NCOA1: variants seen among roughly 807,000 people sequenced by gnomAD.
NCOA1 encodes the protein Hin-2 protein.
In NCOA1, 35 loss-of-function variants were observed where a neutral mutation model predicts 150.9. The ratio of observed to expected loss-of-function variants is 0.23; its 90% confidence interval spans 0.18 to 0.31. The LOEUF (loss-of-function observed/expected upper bound fraction) is 0.31, where lower values mean the gene tolerates loss of function less well. Among genes scored for constraint, NCOA1 ranks in the 10% least tolerant of loss-of-function variants. The probability of loss-of-function intolerance (pLI) is 1.00; values close to 1 mark genes in which losing one functional copy is unlikely to be tolerated. For missense variants in NCOA1, 1,491 were observed against 1,749.3 expected (o/e 0.85, Z 2.63); for synonymous variants, 590 against 630.0 (o/e 0.94, Z 0.95).
chr2:24,596,760 A>G (rs1667902627), intron 3 of NCOA1, among the ~76,000 whole-genome samples: 2 of 152,194 alleles, frequency 1.3e-5, no homozygotes, highest in Non-Finnish European at 2.9e-5. Context: ...ATTTCAAAAT[A>G]AAGGTTTTAT....
intron 10 of NCOA1, 22 bp downstream of exon 10, chr2:24,693,369 A>G (rs1368784580): frequency 2.5e-6 from 4 of 1,575,730 alleles, no homozygotes; most frequent in Non-Finnish European, 3.5e-6. Context: ...AAAGTTCAGA[A>G]TGTTCCATAG....
At chr2:24,690,972 A>G (rs1672643250) in intron 8 of NCOA1, among the ~76,000 whole-genome samples, 1 of 152,204 alleles carries the variant, frequency 6.6e-6, no homozygotes, top group Non-Finnish European at 1.5e-5. Flanking sequence ...ATTGCGCTAT[A>G]TTCTTAATAC....
At chr2:24,639,288 TA>T (rs990100109) in intron 3 of NCOA1, among the ~76,000 whole-genome samples, 7 of 151,990 alleles carry the variant, frequency 4.6e-5, no homozygotes, top group Non-Finnish European at 1.0e-4. Flanking sequence ...ATAAATAAAA[TA>T]AAAAAATTAA....
At chr2:24,491,843 C>T (rs985106681) in intron 1 of NCOA1, 1 of 151,740 alleles carries the variant, frequency 6.6e-6, no homozygotes, top group Non-Finnish European at 1.5e-5. Flanking sequence ...CGGGGGAAAT[C>T]GCTGCAGCAG....
intron 8 of NCOA1, among the ~76,000 whole-genome samples, chr2:24,683,447 A>T (rs996669743): frequency 6.6e-6 from 1 of 152,208 alleles, no homozygotes; most frequent in Non-Finnish European, 1.5e-5. Flanking sequence ...AATAGAAATG[A>T]GAAAGAGAGG....
chr2:24,508,053 A>G (rs1014569350), intron 1 of NCOA1, among the ~76,000 whole-genome samples: 2 of 152,198 alleles, frequency 1.3e-5, no homozygotes, highest in African/African-American at 2.4e-5. Context: ...CATGACAAGG[A>G]GGAGCTATAA....
intron 1 of NCOA1, among the ~76,000 whole-genome samples, chr2:24,505,906 A>G (rs1663671979): frequency 2.0e-5 from 3 of 152,180 alleles, no homozygotes; most frequent in South Asian, 2.1e-4. Context: ...CCCATCTGCC[A>G]TAGGAAAGAA....
At position 24,706,974 on chromosome 2, in the gene NCOA1, A is replaced by G. The variant is rs1173055694; in HGVS notation, c.1504A>G (p.Arg502Gly). The change falls in exon 13 of 23, where the codon AGG becomes GGG. Residue 502 changes from arginine (R) to glycine (G), a missense_variant. Physicochemically the swap from Arg to Gly is moderately radical, Grantham distance 125. This residue lies in a region of NCOA1 where 703 missense variants were observed against 717.7 expected (regional missense o/e 0.98). Transcript: ENST00000348332. Reference protein sequence around the residue: ...QVTSGLATRPRMPNNSFPPNI... With the variant: ...QVTSGLATRPGMPNNSFPPNI... ...TACTTCTGGATTGGCAACAAGGCCC[A>G]GGATGCCAAACAATTCCTTTCCTCC... is the stretch of plus-strand genomic sequence containing the variant. 1.9e-6 allele frequency: 3 copies of G among 1,614,094 alleles called. No homozygotes were observed. Among genetic ancestry groups the G allele is most frequent in the Non-Finnish European group, 2.5e-6 (3 of 1,180,034 alleles).
chr2:24,578,294 A>T (rs1479125720), intron 2 of NCOA1, among the ~76,000 whole-genome samples: 1 of 152,166 alleles, frequency 6.6e-6, no homozygotes. Context: ...TTTCATATGC[A>T]AATGTTATGG....
At chr2:24,602,548 G>C (rs965312575) in intron 3 of NCOA1, among the ~76,000 whole-genome samples, 1 of 152,026 alleles carries the variant, frequency 6.6e-6, no homozygotes, top group Admixed American at 6.6e-5. Flanking sequence ...CCAAATTTAC[G>C]TAGTAACTAG....
At position 24,607,215 on chromosome 2, in the gene NCOA1, A is replaced by G. The variant is rs372974721; in HGVS notation, c.-175+22655A>G. On this transcript the variant is annotated intron_variant, in intron 3 of 22. Transcript: ENST00000348332. Reference sequence around the variant, plus strand: ...TTTTTTTTTTTTTTGAGTCTATTTGATATTTATATTTTATTAAGATAAGTT... The same window carrying G: ...TTTTTTTTTTTTTTGAGTCTATTTGGTATTTATATTTTATTAAGATAAGTT... Among the ~76,000 whole-genome samples the G allele has an allele frequency of 8.9e-4, 130 of 146,676 alleles. 2 individuals are homozygous for G. The East Asian group carries it at 0.015, about 17-fold the overall frequency.
chr2:24,611,658 T>G (rs1332398072), intron 3 of NCOA1, among the ~76,000 whole-genome samples: 1 of 152,232 alleles, frequency 6.6e-6, no homozygotes, highest in Non-Finnish European at 1.5e-5. Context: ...ATTGAACCCT[T>G]TATTGTAATG....
At chr2:24,516,846 TA>T (rs1664193832) in intron 1 of NCOA1, among the ~76,000 whole-genome samples, 1 of 139,038 alleles carries the variant, frequency 7.2e-6, no homozygotes, top group Non-Finnish European at 1.6e-5. Context: ...TTTTTCATTT[TA>T]AAAATATATC....
At chr2:24,555,791 C>T (rs1666044750) in intron 1 of NCOA1, among the ~76,000 whole-genome samples, 1 of 152,134 alleles carries the variant, frequency 6.6e-6, no homozygotes, top group Non-Finnish European at 1.5e-5. Context: ...TCTATTCTAT[C>T]CTTTTTACTT....
At chr2:24,638,499 A>G (rs1269319530) in intron 3 of NCOA1, among the ~76,000 whole-genome samples, 1 of 152,096 alleles carries the variant, frequency 6.6e-6, no homozygotes, top group Non-Finnish European at 1.5e-5. Context: ...CTAAATGCCA[A>G]GTAGTAGGAT....
At chr2:24,766,166 C>T (rs995140709) in intron 22 of NCOA1, among the ~76,000 whole-genome samples, 2 of 152,146 alleles carry the variant, frequency 1.3e-5, no homozygotes, top group East Asian at 1.9e-4. Flanking sequence ...TCCCAAAGTG[C>T]TAGAATTAGA....
At chr2:24,743,615 T>G (rs1215999455) in intron 19 of NCOA1, among the ~76,000 whole-genome samples, 1 of 152,206 alleles carries the variant, frequency 6.6e-6, no homozygotes, top group Non-Finnish European at 1.5e-5. Flanking sequence ...TCCATGTGTC[T>G]TACAATTTCT....
chr2:24,542,600 G>A (rs963682941), intron 1 of NCOA1, among the ~76,000 whole-genome samples: 5 of 152,028 alleles, frequency 3.3e-5, no homozygotes, highest in East Asian at 3.9e-4. Flanking sequence ...AAACTTTATC[G>A]CCAAATAGCA....
chr2:24,747,077 AC>A (rs1663961388), intron 19 of NCOA1, among the ~76,000 whole-genome samples: 1 of 152,088 alleles, frequency 6.6e-6, no homozygotes, highest in Non-Finnish European at 1.5e-5. Flanking sequence ...AATTTAAAAG[AC>A]CAACACTAAA....
Sources: gnomAD v4.1 joint callset for allele counts (sites outside exome capture counted in the v4.1 genomes callset) on GRCh38, gnomAD v4.1.1 for gene constraint, gnomAD v4.1.1 regional missense constraint, MANE v1.5 for transcripts, NCBI Gene and HGNC (gene_info 2026-07-23, HGNC 2026-07-21) for gene names.